Variants in ADAMTS1 observed in about 807,000 individuals in gnomAD.
The protein encoded by ADAMTS1 is ADAM metallopeptidase with thrombospondin type 1 motif 1.
ADAMTS1 carries 19 observed loss-of-function variants against 87.9 expected under a neutral mutation model. The ratio of observed to expected loss-of-function variants is 0.22; its 90% confidence interval spans 0.15 to 0.32. ADAMTS1 has a LOEUF of 0.32. Among genes scored for constraint, ADAMTS1 ranks in the 10% least tolerant of loss-of-function variants. The probability of loss-of-function intolerance (pLI) is 1.00; values close to 1 mark genes in which losing one functional copy is unlikely to be tolerated. For synonymous variants in ADAMTS1, 542 were observed against 501.8 expected, an observed-to-expected ratio of 1.08 and a Z score of -1.07; for missense variants, 1,240 against 1,259.1, an observed-to-expected ratio of 0.98 and a Z score of 0.23.
Position 26,839,698 on chromosome 21 carries a change from A to G in ADAMTS1, c.1917T>C (p.Ser639=), listed in dbSNP as rs373489452. The G allele has an allele frequency of 1.9e-6, 3 of 1,613,448 alleles. No homozygotes were observed. The highest frequency in any genetic ancestry group is 2.7e-5 in the African/African-American group (2 of 74,890). ...HNEFSKASFG[S]GPAVEWIPKY... is the part of the protein sequence containing the mutation. The stretch of plus-strand genomic sequence containing the variant: ...TGGGAATCCATTCCACCGCAGGCCC[A>G]CTCCCAAAGGAAGCTTTTGAAAACT... The change falls in exon 7 of 9, where the codon AGT becomes AGC. Residue 639 remains serine, a synonymous_variant. Transcript: ENST00000284984.
Position 26,844,558 on chromosome 21 carries a change from G to C in ADAMTS1, c.397C>G (p.Pro133Ala), listed in dbSNP as rs749304979. 10 of 1,610,282 alleles carry C rather than the reference G, an allele frequency of 6.2e-6. No homozygotes were observed. In the East Asian group the frequency reaches 2.2e-4, roughly 36 times the overall value. The change falls in exon 1 of 9, where the codon CCC becomes GCC. Residue 133 changes from proline (P) to alanine (A), a missense_variant. By Grantham distance (27) the Pro-to-Ala change is conservative. Transcript: ENST00000284984. ...CFYSGTVNGDPSSAAALSLCE... is the reference protein window; with the variant it reads ...CFYSGTVNGDASSAAALSLCE... ...AGGCTGAGGGCGGCAGCCGAGCTGGGATCGCCATTCACGGTGCCGGAGTAG... is the reference window on the plus strand; with the variant it reads ...AGGCTGAGGGCGGCAGCCGAGCTGGCATCGCCATTCACGGTGCCGGAGTAG...
Position 26,839,644 on chromosome 21 carries a change from C to G in ADAMTS1, c.1971G>C (p.Arg657Ser), listed in dbSNP as rs772251663. 6.2e-7 allele frequency: 1 copy of G among 1,613,154 alleles called. No homozygotes were observed. The highest frequency in any genetic ancestry group is 8.5e-7 in the Non-Finnish European group (1 of 1,179,184). Residue 657 changes from arginine to serine, a missense_variant, in exon 7 of 9, where the codon AGG becomes AGC. By Grantham distance (110) the Arg-to-Ser change is moderately radical (BLOSUM62 -1). Coordinates refer to ENST00000284984, the MANE Select transcript of ADAMTS1 (RefSeq NM_006988.5). ...CTTTGGCTTGGCAGATGAGCTTGCACCTGTCCTTTGGTGAGACGCCAGCGT... is the reference window on the plus strand; with the variant it reads ...CTTTGGCTTGGCAGATGAGCTTGCAGCTGTCCTTTGGTGAGACGCCAGCGT... ...PKYAGVSPKD[R>S]CKLICQAKGI...
rs776591570 is a variant in ADAMTS1, at chr21:26,844,999, G to A, written c.-45C>T. ...GCTCGTAGCAGCGCACGGAGCGAGG[G>A]ACCTTTAGTTCGGGTCGGGAGAGCA... On this transcript the variant is annotated 5_prime_UTR_variant, in exon 1 of 9. Transcript: ENST00000284984. 6.7e-7 allele frequency: 1 copy of A among 1,488,844 alleles called. No homozygotes were observed. The highest frequency in any genetic ancestry group is 8.9e-7 in the Non-Finnish European group (1 of 1,123,910). 92.2% of individuals were successfully genotyped at this position (1,488,844 alleles called of 1,614,324 possible). A position where few individuals can be genotyped will look rare whatever the true frequency, so the allele number is the denominator to read the frequency against.
At position 26,842,544 on chromosome 21, in the gene ADAMTS1, C is replaced by G; in HGVS notation, c.872G>C (p.Arg291Thr). 6.2e-7 allele frequency: 1 copy of G among 1,614,184 alleles called. No homozygotes were observed. The change falls in exon 2 of 9, where the codon AGA becomes ACA. Residue 291 changes from arginine to threonine, a missense_variant. By Grantham distance (71) the Arg-to-Thr change is moderately conservative. Transcript: ENST00000284984. Reference sequence around the variant, plus strand: ...ACGAATGCTGGGGTGTTTGTACAATCTGGCTGCCACCGAAAACAACGTGAG... The same window carrying G: ...ACGAATGCTGGGGTGTTTGTACAATGTGGCTGCCACCGAAAACAACGTGAG... The part of the protein sequence containing the change: ...YLLTLFSVAA[R>T]LYKHPSIRNS...
rs1985512156 is a variant in ADAMTS1, at chr21:26,842,380, C to G, written c.1036G>C (p.Asp346His). Residue 346 changes from aspartate (D) to histidine (H), a missense_variant, in exon 2 of 9, where the codon GAT becomes CAT. Coordinates refer to ENST00000284984, the MANE Select transcript of ADAMTS1 (RefSeq NM_006988.5). ...ATTGCTGTGTCATAGTGCTCTGCAT[C>G]CCGGTCACTGGGTGGGTTGTGCTGC... is the stretch of plus-strand genomic sequence containing the variant. ...QKQHNPPSDR[D>H]AEHYDTAILF... 2 of 1,614,010 alleles carry G rather than the reference C, an allele frequency of 1.2e-6. No individual in the cohort carries two copies. The highest frequency in any genetic ancestry group is 1.7e-6 in the Non-Finnish European group (2 of 1,180,028).
At position 26,840,485 on chromosome 21, in the gene ADAMTS1, G is replaced by A. The variant is rs779937076; in HGVS notation, c.1456C>T (p.Arg486Trp). The change falls in exon 5 of 9, where the codon CGG (arginine) becomes TGG (tryptophan). Residue 486 changes from arginine to tryptophan, a missense_variant. By Grantham distance (101) the Arg-to-Trp change is moderately radical (BLOSUM62 -3). This residue lies in a region of ADAMTS1 where 317 missense variants were observed against 410.3 expected (regional missense o/e 0.77). Transcript: ENST00000284984. ...TCCCCAAATGTAAACTGGCACTGCCGGTTGGCATCGTACGAGGTGCCAGGG... is the reference window on the plus strand; with the variant it reads ...TCCCCAAATGTAAACTGGCACTGCCAGTTGGCATCGTACGAGGTGCCAGGG... Reference protein sequence around the residue: ...DLPGTSYDANRQCQFTFGEDS... With the variant: ...DLPGTSYDANWQCQFTFGEDS... 137 of 1,614,108 alleles carry A rather than the reference G, an allele frequency of 8.5e-5. No homozygotes were observed. Among genetic ancestry groups the A allele is most frequent in the East Asian group, 1.3e-4 (6 of 44,898 alleles).
chr21:26,841,237 CAG>C, intron 3 of ADAMTS1, 72 bp from the exon 4 acceptor site: 1 of 1,538,616 alleles, frequency 6.5e-7, no homozygotes, highest in South Asian at 1.2e-5. Context: ...CCTGTAATTC[CAG>C]AAGCCGAGGC....
In ADAMTS1 at chr21:26,840,390, C is replaced by T. The variant is rs1260879368; in HGVS notation, c.1551G>A (p.Gly517=). The T allele has an allele frequency of 4.3e-6, 7 of 1,614,232 alleles. No individual in the cohort carries two copies. The highest frequency in any genetic ancestry group is 5.9e-6 in the Non-Finnish European group (7 of 1,180,042). The change falls in exon 5 of 9, where the codon GGG becomes GGA. Residue 517 remains glycine (G), a synonymous_variant. Coordinates refer to ENST00000284984, the MANE Select transcript of ADAMTS1 (RefSeq NM_006988.5). ...AGTGTTTGGTTTGACACACCAGCAC[C>T]CCACCAGAGGTGCCGGTACACCACA... ...STLWCTGTSG[G]VLVCQTKHFP...
chr21:26,844,749 G>A lies in ADAMTS1; in HGVS notation c.206C>T (p.Pro69Leu), dbSNP rs375835272. ...GCGGAGGCGCGTGGTCCCGTGTCCC[G>A]GGGCGCGCTCCAGCTCCGGCACCAC... ...ELVVPELERA[P>L]GHGTTRLRLH... Residue 69 changes from proline (P) to leucine (L), a missense_variant, in exon 1 of 9, where the codon CCG becomes CTG. Pro to Leu is a moderately conservative substitution (Grantham distance 98). This residue lies in a region of ADAMTS1 where 521 missense variants were observed against 449.7 expected (regional missense o/e 1.16). Coordinates refer to ENST00000284984, the MANE Select transcript of ADAMTS1 (RefSeq NM_006988.5). 17 of 1,560,978 alleles carry A rather than the reference G, an allele frequency of 1.1e-5. No homozygotes were observed. The highest frequency in any genetic ancestry group is 8.1e-5 in the South Asian group (7 of 85,922).
intron 1 of ADAMTS1, 76 bp downstream of exon 1, chr21:26,844,149 A>C: frequency 6.7e-7 from 1 of 1,486,406 alleles, no homozygotes; most frequent in South Asian, 1.4e-5. Context: ...GCAGGAGTCT[A>C]CCCTGAAGTC....
At chr21:26,839,116 A>G (rs530038852) in intron 7 of ADAMTS1, 22 of 159,508 alleles carry the variant, frequency 1.4e-4, no homozygotes, top group African/African-American at 5.3e-4. Flanking sequence ...TTCCTAGTTC[A>G]ATATGTGTTT....
Position 26,838,461 on chromosome 21 carries a change from A to AT in ADAMTS1, c.2181dup (p.Ser728IlefsTer6). 6.2e-7 allele frequency: 1 copy of AT among 1,614,188 alleles called. No individual in the cohort carries two copies. Among genetic ancestry groups the AT allele is most frequent in the Non-Finnish European group, 8.5e-7 (1 of 1,180,032 alleles). ...TACTTTGCACTAGTAACTGATCCTGATATTTTTTTACAAGTAGATCCATTT... is the reference window on the plus strand; with the variant it reads ...TACTTTGCACTAGTAACTGATCCTGATTATTTTTTTACAAGTAGATCCATTT... On this transcript the variant is annotated frameshift_variant, in exon 8 of 9. Transcript: ENST00000284984. LOFTEE classifies it high-confidence loss of function.
chr21:26,837,413 C>T lies in ADAMTS1; in HGVS notation c.*166G>A. On this transcript the variant is annotated 3_prime_UTR_variant, in exon 9 of 9. Coordinates refer to ENST00000284984, the MANE Select transcript of ADAMTS1 (RefSeq NM_006988.5). ...TATCAAATTTGCAACTGGCAGTTTACTCTGATGATTCAACTCCTTTTCTAT... is the reference window on the plus strand; with the variant it reads ...TATCAAATTTGCAACTGGCAGTTTATTCTGATGATTCAACTCCTTTTCTAT... 1.6e-6 allele frequency: 1 copy of T among 629,418 alleles called. No individual in the cohort carries two copies. The highest frequency in any genetic ancestry group is 2.7e-6 in the Non-Finnish European group (1 of 363,968). The allele number at this position is 629,418 out of a possible 1,614,324, so 39.0% of individuals were successfully genotyped here. A position where few individuals can be genotyped will look rare whatever the true frequency, so the allele number is the denominator to read the frequency against.
In ADAMTS1 at chr21:26,838,084, C is replaced by T; in HGVS notation, c.2399G>A (p.Arg800Lys). ...QDIMYKGVVL[R>K]YSGSSAALER... ...CAATGCCGCAGAGGAGCCGCTGTAC[C>T]TCAAGACAACACCTTTGTACATAAT... The change falls in exon 9 of 9, where the codon AGG (arginine) becomes AAG (lysine). Residue 800 changes from arginine (R) to lysine (K), a missense_variant. Arg to Lys is a conservative substitution (Grantham distance 26). Around this residue, in one of 3 missense-constraint regions of ADAMTS1, gnomAD observed 402 missense variants for 399.1 expected, o/e 1.01. Transcript: ENST00000284984. The T allele has an allele frequency of 6.2e-7, 1 of 1,614,172 alleles. No individual in the cohort carries two copies. Among genetic ancestry groups the T allele is most frequent in the South Asian group, 1.1e-5 (1 of 91,090 alleles).
At position 26,837,420 on chromosome 21, in the gene ADAMTS1, G is replaced by T; in HGVS notation, c.*159C>A. On this transcript the variant is annotated 3_prime_UTR_variant, in exon 9 of 9. Transcript: ENST00000284984. ...TTTGCAACTGGCAGTTTACTCTGAT[G>T]ATTCAACTCCTTTTCTATCTACCCC... is the stretch of plus-strand genomic sequence containing the variant. The T allele has an allele frequency of 1.6e-6, 1 of 643,394 alleles. No homozygotes were observed. Among genetic ancestry groups the T allele is most frequent in the Non-Finnish European group, 2.7e-6 (1 of 375,266 alleles). 39.9% of individuals were successfully genotyped at this position (643,394 alleles called of 1,614,324 possible).
In ADAMTS1 at chr21:26,842,689, T is replaced by C. The variant is rs750268625; in HGVS notation, c.731-4A>G. The C allele has an allele frequency of 1.3e-6, 2 of 1,594,906 alleles. No homozygotes were observed. Among genetic ancestry groups the C allele is most frequent in the Non-Finnish European group, 1.7e-6 (2 of 1,173,352 alleles). ...TTCTTTCTTATGCTTCCAGTTCCTG[T>C]AAAGAAAAAAAAAAGTTTGCTTATG... On this transcript the variant is annotated splice_polypyrimidine_tract_variant and splice_region_variant and intron_variant, in intron 1 of 8. Transcript: ENST00000284984.
intron 8 of ADAMTS1, 80 bp from the exon 9 acceptor site, chr21:26,838,358 T>C: frequency 3.2e-6 from 5 of 1,581,282 alleles, no homozygotes; most frequent in Non-Finnish European, 2.6e-6. Flanking sequence ...ATTAATCTTT[T>C]ATGAGACATA....
At position 26,844,915 on chromosome 21, in the gene ADAMTS1, G is replaced by C. The variant is rs1985590168; in HGVS notation, c.40C>G (p.Leu14Val). The C allele has an allele frequency of 1.3e-6, 2 of 1,518,354 alleles. No homozygotes were observed. Among genetic ancestry groups the C allele is most frequent in the Non-Finnish European group, 1.8e-6 (2 of 1,134,588 alleles). The allele number at this position is 1,518,354 out of a possible 1,614,324, so 94.1% of individuals were successfully genotyped here. A position where few individuals can be genotyped will look rare whatever the true frequency, so the allele number is the denominator to read the frequency against. Residue 14 changes from leucine (L) to valine (V), a missense_variant, in exon 1 of 9, where the codon CTG (leucine) becomes GTG (valine). Physicochemically the swap from Leu to Val is conservative, Grantham distance 32 (BLOSUM62 1). Transcript: ENST00000284984. ...AVPEGFGRRK[L>V]GSDMGNAERA... ...TCCGCGTTCCCCATGTCGCTGCCCA[G>C]CTTGCGCCTTCCGAACCCCTCGGGC...
In ADAMTS1 at chr21:26,837,687, G is replaced by C; in HGVS notation, c.2796C>G (p.Ser932Arg). 1 of 1,614,198 alleles carries C rather than the reference G, an allele frequency of 6.2e-7. No homozygotes were observed. The highest frequency in any genetic ancestry group is 1.1e-5 in the South Asian group (1 of 91,086). ...CTCCATCATGGGACAGACACTTCAAGCTTCTTTTTTTGTAACCCTTCCCAC... is the reference window on the plus strand; with the variant it reads ...CTCCATCATGGGACAGACACTTCAACCTTCTTTTTTTGTAACCCTTCCCAC... ...KTCGKGYKKR[S>R]LKCLSHDGGV... The change falls in exon 9 of 9, where the codon AGC becomes AGG. Residue 932 changes from serine to arginine, a missense_variant. Around this residue, in one of 3 missense-constraint regions of ADAMTS1, gnomAD observed 402 missense variants for 399.1 expected, o/e 1.01. Transcript: ENST00000284984.
Sources: allele counts gnomAD v4.1 joint callset, GRCh38; gene constraint gnomAD v4.1.1; regional missense constraint gnomAD v4.1.1; transcripts MANE v1.5; gene names NCBI Gene and HGNC (gene_info 2026-07-23, HGNC 2026-07-21).